Variants in EVL observed in about 807,000 individuals in gnomAD.
EVL encodes Enah/Vasp-like.
EVL carries 21 observed loss-of-function variants against 59.6 expected under a neutral mutation model. The observed-to-expected ratio is 0.35, with a 90% CI of 0.25 to 0.51. EVL has a LOEUF of 0.51. Among genes scored for constraint, EVL ranks in the 20% least tolerant of loss-of-function variants. The pLI is 0.97. For missense variants in EVL, 462 were observed against 546.6 expected (o/e 0.85, Z 1.54); for synonymous variants, 198 against 203.5 (o/e 0.97, Z 0.23).
chr14:100,047,118 C>CTCTCTTTTTTTTT (rs1566983192), intron 1 of EVL, among the ~76,000 whole-genome samples: 1 of 23,892 alleles, frequency 4.2e-5, no homozygotes, highest in African/African-American at 1.4e-4. Flanking sequence ...ATCTCTCTCT[C>CTCTCTTTTTTTTT]TTTTTTTTTT....
intron 8 of EVL, chr14:100,135,588 C>T (rs550561360): frequency 1.5e-5 from 5 of 324,564 alleles, no homozygotes; most frequent in East Asian, 1.5e-4. Context: ...AGTGAGATGA[C>T]ATACGGGAGG....
rs1320142234 is a variant in EVL at position 100,043,235 on chromosome 14, GTGTGTGTGTGTATATATATA to G, written c.6-41412_6-41393del. Among the ~76,000 whole-genome samples, 383 of 151,344 alleles carry G rather than the reference GTGTGTGTGTGTATATATATA, an allele frequency of 2.5e-3. 1 individual carries two copies. The highest frequency in any genetic ancestry group is 5.6e-3 in the Admixed American group (85 of 15,180). Reference sequence around the variant, plus strand: ...AGGAGATAGATATATATATATGTATGTGTGTGTGTGTATATATATATGTGTGTGTGTATATATATATGTGT... The same window carrying G: ...AGGAGATAGATATATATATATGTATGTGTGTGTGTGTATATATATATGTGT... On this transcript the variant is annotated intron_variant, in intron 1 of 13. Coordinates refer to the EVL transcript ENST00000402714.
intron 4 of EVL, among the ~76,000 whole-genome samples, chr14:100,126,331 C>T (rs1037619765): frequency 6.6e-6 from 1 of 152,228 alleles, no homozygotes; most frequent in Non-Finnish European, 1.5e-5. Context: ...GGAAGCTTGG[C>T]CAGGTCCACT....
At chr14:100,031,748 T>C (rs2061317760) in intron 1 of EVL, among the ~76,000 whole-genome samples, 1 of 152,236 alleles carries the variant, frequency 6.6e-6, no homozygotes, top group Non-Finnish European at 1.5e-5. Context: ...TCACACTGCA[T>C]TCTTTGTGAC....
intron 1 of EVL, among the ~76,000 whole-genome samples, chr14:100,046,154 C>G (rs2061542555): frequency 6.6e-6 from 1 of 152,174 alleles, no homozygotes. Flanking sequence ...CTTACTGAGT[C>G]AGCATCCCTA....
chr14:100,102,689 G>A (rs1217951683), intron 3 of EVL, among the ~76,000 whole-genome samples: 17 of 152,162 alleles, frequency 1.1e-4, no homozygotes, highest in Admixed American at 1.0e-3. Context: ...TTTCTCCCAT[G>A]CTGGCCCCTA....
intron 1 of EVL, among the ~76,000 whole-genome samples, chr14:100,082,987 G>A (rs557435547): frequency 6.6e-5 from 10 of 152,292 alleles, no homozygotes; most frequent in Non-Finnish European, 1.3e-4. Context: ...ACTGAAGGGC[G>A]TGCTTCCATG....
intron 1 of EVL, chr14:99,974,454 G>T (rs1388188354): frequency 6.5e-6 from 1 of 153,046 alleles, no homozygotes; most frequent in African/African-American, 2.4e-5. Context: ...TCAGATAGCT[G>T]TAGGTCTTTG....
intron 1 of EVL, among the ~76,000 whole-genome samples, chr14:100,074,127 C>A (rs2062111145): frequency 1.3e-5 from 2 of 152,186 alleles, no homozygotes; most frequent in African/African-American, 2.4e-5. Flanking sequence ...CCCTCAGTGA[C>A]CTCCACAGTT....
intron 3 of EVL, among the ~76,000 whole-genome samples, chr14:100,120,230 C>T (rs1488124818): frequency 1.3e-5 from 2 of 152,188 alleles, no homozygotes; most frequent in East Asian, 3.8e-4. Context: ...TCTTTTCACT[C>T]AAGTCAGTTC....
intron 1 of EVL, among the ~76,000 whole-genome samples, chr14:100,036,843 C>T (rs905929990): frequency 6.6e-6 from 1 of 152,094 alleles, no homozygotes; most frequent in African/African-American, 2.4e-5. Flanking sequence ...AGCCCCTGAC[C>T]TCAGTGTGAC....
chr14:100,015,731 T>C (rs1407065577), intron 1 of EVL, among the ~76,000 whole-genome samples: 1 of 152,148 alleles, frequency 6.6e-6, no homozygotes, highest in Non-Finnish European at 1.5e-5. Flanking sequence ...TCTACTTTGA[T>C]CAGTTGTATG....
intron 4 of EVL, among the ~76,000 whole-genome samples, chr14:100,125,253 T>TACAC (rs34556561): frequency 0.011 from 1,343 of 119,572 alleles, 48 homozygotes; most frequent in African/African-American, 0.033. Flanking sequence ...AAGGCAGGAA[T>TACAC]ACACACACAC....
chr14:100,016,485 C>T (rs1487100077), intron 1 of EVL, among the ~76,000 whole-genome samples: 2 of 152,202 alleles, frequency 1.3e-5, no homozygotes, highest in South Asian at 4.1e-4. Context: ...GCTGAGATTG[C>T]GCCACTGCAC....
chr14:100,102,436 T>A, intron 3 of EVL: 1 of 450,724 alleles, frequency 2.2e-6, no homozygotes, highest in Non-Finnish European at 4.5e-6. Context: ...TCAGGTGACA[T>A]CTACATTGTC....
chr14:99,973,415 A>G (rs148267370), intron 1 of EVL, among the ~76,000 whole-genome samples: 2 of 152,234 alleles, frequency 1.3e-5, no homozygotes, highest in African/African-American at 4.8e-5. Context: ...TATTTGGTAT[A>G]GTTTTCTGGA....
intron 3 of EVL, chr14:100,106,616 A>T (rs1242918728): frequency 5.2e-6 from 2 of 384,646 alleles, no homozygotes; most frequent in Non-Finnish European, 4.6e-6. Context: ...ATCCGAATTT[A>T]GGTAGGTAGG....
chr14:100,059,727 G>C (rs770718368), intron 1 of EVL, among the ~76,000 whole-genome samples: 4 of 152,076 alleles, frequency 2.6e-5, no homozygotes, highest in South Asian at 4.2e-4. Context: ...GAGTCAGATG[G>C]GGGGGTGGTT....
intron 2 of EVL, among the ~76,000 whole-genome samples, chr14:100,090,460 G>GT: frequency 6.6e-6 from 1 of 152,250 alleles, no homozygotes; most frequent in East Asian, 1.9e-4. Context: ...CAACCATGCT[G>GT]TATAACCATG....
Sources: gnomAD v4.1 joint callset for allele counts (sites outside exome capture counted in the v4.1 genomes callset) on GRCh38, gnomAD v4.1.1 for gene constraint, MANE v1.5 for transcripts, NCBI Gene and HGNC (gene_info 2026-07-23, HGNC 2026-07-21) for gene names.